The following CRISPLD2 variants were observed in gnomAD, a reference collection of about 807,000 sequenced individuals.
CRISPLD2 encodes cysteine-rich secretory protein LCCL domain-containing 2.
A neutral mutation model predicts 71.1 loss-of-function variants in CRISPLD2; 47 were observed. The observed-to-expected ratio is 0.66, with a 90% CI of 0.52 to 0.84. CRISPLD2 has a LOEUF of 0.84. Among genes scored for constraint, CRISPLD2 ranks in the 40% least tolerant of loss-of-function variants. The pLI is 0.00. For missense variants in CRISPLD2, 830 were observed against 651.1 expected (o/e 1.27, Z -2.99); for synonymous variants, 317 against 250.1 (o/e 1.27, Z -2.52).
In CRISPLD2 at chr16:84,880,580, C is replaced by T. The variant is rs35711987; in HGVS notation, c.1301C>T (p.Ala434Val). Residue 434 changes from alanine to valine, a missense_variant, in exon 13 of 15, where the codon GCA becomes GTA. By Grantham distance (64) the Ala-to-Val change is moderately conservative. Transcript: ENST00000262424. ...WAPVFGTNIY[A>V]DTSSICKTAV... is the part of the protein sequence containing the mutation. ...CCGGTGTTTGGAACCAACATCTATG[C>T]AGATGTGAGTAGGATGCATTTTCAA... 20 of 1,612,116 alleles carry T rather than the reference C, an allele frequency of 1.2e-5. No homozygotes were observed. The Admixed American group carries it at 2.5e-4, about 20-fold the overall frequency.
intron 12 of CRISPLD2, among the ~76,000 whole-genome samples, chr16:84,878,621 A>C (rs2071541830): frequency 6.6e-6 from 1 of 152,216 alleles, no homozygotes; most frequent in African/African-American, 2.4e-5. Context: ...TGGTCCACGG[A>C]GGACGATGCC....
At chr16:84,863,031 A>C (rs1418779095) in intron 6 of CRISPLD2, 1 of 152,174 alleles carries the variant, frequency 6.6e-6, no homozygotes, top group African/African-American at 2.4e-5. Context: ...CCCCGCCTCC[A>C]GGGAGCCTTC....
chr16:84,876,727 G>A (rs1407441252), intron 11 of CRISPLD2, among the ~76,000 whole-genome samples: 1 of 152,162 alleles, frequency 6.6e-6, no homozygotes, highest in Non-Finnish European at 1.5e-5. Flanking sequence ...CAGGGGTGGA[G>A]GTTGCAGTGA....
rs374066444 is a variant in CRISPLD2 at position 84,896,663 on chromosome 16, A to G, written c.1439+7300A>G. 7.2e-5 allele frequency among the ~76,000 whole-genome samples: 11 copies of G among 152,270 alleles called. No homozygotes were observed. In the South Asian group the frequency reaches 1.2e-3, roughly 17 times the overall value. On this transcript the variant is annotated intron_variant, in intron 14 of 14. Coordinates refer to ENST00000262424, the MANE Select transcript of CRISPLD2 (RefSeq NM_031476.4). ...CTGAGCTGTGATGGAGGCGAGGTGTATTCAGTGCATTTCCGATGTGGACTT... is the reference window on the plus strand; with the variant it reads ...CTGAGCTGTGATGGAGGCGAGGTGTGTTCAGTGCATTTCCGATGTGGACTT...
At chr16:84,834,869 G>C (rs531713886) in intron 1 of CRISPLD2, among the ~76,000 whole-genome samples, 1 of 152,168 alleles carries the variant, frequency 6.6e-6, no homozygotes, top group East Asian at 1.9e-4. Context: ...AGTCAGCTTG[G>C]TTAGGGCCCA....
chr16:84,865,850 T>C (rs1917521293), intron 6 of CRISPLD2, among the ~76,000 whole-genome samples: 1 of 152,178 alleles, frequency 6.6e-6, no homozygotes, highest in South Asian at 2.1e-4. Flanking sequence ...AAGTGCAATG[T>C]GTTTGGTTAA....
rs779319056 is a variant in CRISPLD2 at position 84,838,716 on chromosome 16, C to G, written c.221C>G (p.Ala74Gly). The G allele has an allele frequency of 1.2e-6, 2 of 1,613,738 alleles. No individual in the cohort carries two copies. The highest frequency in any genetic ancestry group is 1.7e-6 in the Non-Finnish European group (2 of 1,179,974). ...NKLRGQVQPQ[A>G]SNMEYMTWDD... ...CTTCGGGGCCAGGTGCAGCCTCAGG[C>G]CTCCAACATGGAGTACATGGTGAGC... is the stretch of plus-strand genomic sequence containing the variant. Residue 74 changes from alanine (A) to glycine (G), a missense_variant, in exon 2 of 15, where the codon GCC becomes GGC. Ala to Gly is a moderately conservative substitution (Grantham distance 60). Coordinates refer to ENST00000262424, the MANE Select transcript of CRISPLD2 (RefSeq NM_031476.4).
intron 7 of CRISPLD2, among the ~76,000 whole-genome samples, chr16:84,867,284 G>T (rs1917568400): frequency 6.6e-6 from 1 of 152,234 alleles, no homozygotes; most frequent in Non-Finnish European, 1.5e-5. Context: ...CACCCAGGCA[G>T]GTATTTTAAG....
chr16:84,892,240 C>G (rs1485021786), intron 14 of CRISPLD2, among the ~76,000 whole-genome samples: 1 of 152,228 alleles, frequency 6.6e-6, no homozygotes, highest in Middle Eastern at 3.2e-3. Context: ...CCACCCAGCT[C>G]TGCTGAATCG....
intron 14 of CRISPLD2, among the ~76,000 whole-genome samples, chr16:84,906,323 C>T (rs1567709616): frequency 6.6e-6 from 1 of 152,216 alleles, no homozygotes; most frequent in East Asian, 1.9e-4. Context: ...CTGGGTCCAG[C>T]AGATCCCTGA....
chr16:84,841,320 C>T (rs1172410230), intron 2 of CRISPLD2, among the ~76,000 whole-genome samples: 4 of 152,068 alleles, frequency 2.6e-5, no homozygotes, highest in East Asian at 1.9e-4. Flanking sequence ...AAGCCACCAC[C>T]GCCTCGTGAG....
chr16:84,901,796 T>C (rs1405711044), intron 14 of CRISPLD2, among the ~76,000 whole-genome samples: 22 of 138,358 alleles, frequency 1.6e-4, no homozygotes, highest in Middle Eastern at 4.0e-3. Flanking sequence ...ACTTTTTTTT[T>C]TTTTTTTTTT....
intron 6 of CRISPLD2, among the ~76,000 whole-genome samples, chr16:84,866,496 A>G (rs1024068236): frequency 6.6e-6 from 1 of 152,128 alleles, no homozygotes; most frequent in Non-Finnish European, 1.5e-5. Flanking sequence ...TCAGCCTCCC[A>G]AAGTGCTGGG....
In CRISPLD2 at chr16:84,873,895, T is replaced by A. The variant is rs768895805; in HGVS notation, c.1113-25T>A. 4.4e-4 allele frequency: 106 copies of A among 241,588 alleles called. No homozygotes were observed. In the East Asian group the frequency reaches 0.039, roughly 89 times the overall value. 15.0% of individuals were successfully genotyped at this position (241,588 alleles called of 1,614,324 possible). On this transcript the variant is annotated intron_variant, in intron 10 of 14. Coordinates refer to ENST00000262424, the MANE Select transcript of CRISPLD2 (RefSeq NM_031476.4). ...CTATTTGCATTTACCTAATGCCCGT[T>A]TTTTTTTTTTTTTTTTTTAAACAGC...
chr16:84,894,570 C>A (rs2071689868), intron 14 of CRISPLD2, among the ~76,000 whole-genome samples: 1 of 152,048 alleles, frequency 6.6e-6, no homozygotes, highest in African/African-American at 2.4e-5. Flanking sequence ...TCTGCTGTGG[C>A]AAGTGCAGCA....
At position 84,906,731 on chromosome 16, in the gene CRISPLD2, G is replaced by C. The variant is rs1471817484; in HGVS notation, c.*89G>C. ...ATTTTGTCATTGCGGGGTATATGGAGAGTCAGGAAACTTCCTTTGACTGAT... is the reference window on the plus strand; with the variant it reads ...ATTTTGTCATTGCGGGGTATATGGACAGTCAGGAAACTTCCTTTGACTGAT... On this transcript the variant is annotated 3_prime_UTR_variant, in exon 15 of 15. Transcript: ENST00000262424. 4.1e-6 allele frequency: 6 copies of C among 1,465,530 alleles called. No individual in the cohort carries two copies. Among genetic ancestry groups the C allele is most frequent in the South Asian group, 1.1e-5 (1 of 87,958 alleles). 90.8% of individuals were successfully genotyped at this position (1,465,530 alleles called of 1,614,324 possible). A position where few individuals can be genotyped will look rare whatever the true frequency, so the allele number is the denominator to read the frequency against.
chr16:84,897,482 T>C (rs2071716602), intron 14 of CRISPLD2, among the ~76,000 whole-genome samples: 2 of 152,010 alleles, frequency 1.3e-5, no homozygotes, highest in South Asian at 4.2e-4. Flanking sequence ...CTCAACAATA[T>C]AGTGAAAATA....
chr16:84,891,177 G>A (rs547021550), intron 14 of CRISPLD2, among the ~76,000 whole-genome samples: 3 of 152,314 alleles, frequency 2.0e-5, no homozygotes, highest in Admixed American at 6.5e-5. Flanking sequence ...GCTCGTAACA[G>A]GGCAATGTTG....
intron 5 of CRISPLD2, among the ~76,000 whole-genome samples, chr16:84,852,822 C>T (rs1253478611): frequency 1.3e-5 from 2 of 152,154 alleles, no homozygotes; most frequent in African/African-American, 2.4e-5. Flanking sequence ...TAATCCCAGC[C>T]TCCTTTGGCC....
Sources: gnomAD v4.1 joint callset for allele counts (sites outside exome capture counted in the v4.1 genomes callset) on GRCh38, gnomAD v4.1.1 for gene constraint, MANE v1.5 for transcripts, NCBI Gene and HGNC (gene_info 2026-07-23, HGNC 2026-07-21) for gene names.